RORA: variants seen among roughly 807,000 people sequenced by gnomAD.
The protein encoded by RORA is RAR related orphan receptor A.
In RORA, 7 loss-of-function variants were observed where a neutral mutation model predicts 69.5. The ratio of observed to expected loss-of-function variants is 0.10; its 90% CI spans 0.06 to 0.19. The LOEUF is 0.19. Ranked by LOEUF, RORA falls within the 10% of genes least tolerant of loss-of-function variation. The probability of loss-of-function intolerance (pLI) is 1.00; values close to 1 mark genes in which losing one functional copy is unlikely to be tolerated. For missense variants in RORA, 457 were observed against 663.0 expected, an observed-to-expected ratio of 0.69 and a Z score of 3.41; for synonymous variants, 261 against 240.8, an observed-to-expected ratio of 1.08 and a Z score of -0.78.
chr15:60,877,347 T>A (rs1000999315), intron 1 of RORA, among the ~76,000 whole-genome samples: 1 of 152,160 alleles, frequency 6.6e-6, no homozygotes, highest in Non-Finnish European at 1.5e-5. Context: ...TACCTCTCTC[T>A]CCCCAGGACT....
chr15:60,940,477 T>G (rs1384995672), intron 1 of RORA, among the ~76,000 whole-genome samples: 1 of 152,158 alleles, frequency 6.6e-6, no homozygotes, highest in Non-Finnish European at 1.5e-5. Flanking sequence ...AAAGCTGATC[T>G]GTGGAAGCCA....
chr15:60,873,950 G>A (rs191180680), intron 1 of RORA, among the ~76,000 whole-genome samples: 6 of 152,076 alleles, frequency 3.9e-5, no homozygotes, highest in African/African-American at 9.6e-5. Context: ...ATAAATATTC[G>A]CCAATTAGCT....
chr15:61,146,951 G>A (rs950109327), intron 1 of RORA, among the ~76,000 whole-genome samples: 2 of 151,764 alleles, frequency 1.3e-5, no homozygotes, highest in African/African-American at 4.8e-5. Flanking sequence ...AATAAAACAC[G>A]GGACAGAAAC....
At chr15:60,773,620 A>C (rs900811961) in intron 1 of RORA, among the ~76,000 whole-genome samples, 1 of 152,154 alleles carries the variant, frequency 6.6e-6, no homozygotes, top group African/African-American at 2.4e-5. Context: ...AAGCAAGAGA[A>C]CTCTCCATGT....
chr15:60,972,733 C>A (rs1249965979), intron 1 of RORA, among the ~76,000 whole-genome samples: 1 of 152,052 alleles, frequency 6.6e-6, no homozygotes, highest in Non-Finnish European at 1.5e-5. Context: ...CATCATCTAT[C>A]AAATGGAAAT....
intron 1 of RORA, among the ~76,000 whole-genome samples, chr15:61,114,354 C>G (rs79555727): frequency 5.3e-5 from 8 of 152,068 alleles, no homozygotes; most frequent in Non-Finnish European, 8.8e-5. Flanking sequence ...CTTTAAAAAA[C>G]TTGGTGGGGA....
rs116818996 is a variant in RORA at position 61,073,887 on chromosome 15, G to A, written c.166+155166C>T. On this transcript the variant is annotated intron_variant, in intron 1 of 10. Coordinates refer to ENST00000335670, the MANE Select transcript of RORA (RefSeq NM_134261.3). ...TGAATCAATTGCTAAATTTCAAAAG[G>A]CATGCCCTGGCTTCAGATACATTAA... Among the ~76,000 whole-genome samples, 959 of 152,268 alleles carry A rather than the reference G, an allele frequency of 6.3e-3. 12 individuals are homozygous for A. The highest frequency in any genetic ancestry group is 0.022 in the African/African-American group (900 of 41,528).
chr15:60,611,318 C>T (rs2069080057), intron 2 of RORA, among the ~76,000 whole-genome samples: 1 of 151,910 alleles, frequency 6.6e-6, no homozygotes, highest in African/African-American at 2.4e-5. Flanking sequence ...CTTGGTTGTT[C>T]ATTTCATATC....
chr15:60,841,193 A>G, intron 1 of RORA: 1 of 501,524 alleles, frequency 2.0e-6, no homozygotes, highest in Non-Finnish European at 2.6e-6. Context: ...ACACACCCAT[A>G]GACTGCAAAC....
chr15:60,762,617 C>A (rs1007486732), intron 1 of RORA, among the ~76,000 whole-genome samples: 2 of 152,138 alleles, frequency 1.3e-5, no homozygotes, highest in Non-Finnish European at 2.9e-5. Context: ...TGCTTATACA[C>A]ATATTTACTC....
intron 1 of RORA, among the ~76,000 whole-genome samples, chr15:60,717,643 T>C (rs1246851251): frequency 6.6e-6 from 1 of 152,142 alleles, no homozygotes; most frequent in African/African-American, 2.4e-5. Context: ...TAACACATTT[T>C]ACTGAGCCCC....
intron 1 of RORA, among the ~76,000 whole-genome samples, chr15:61,099,006 G>A (rs1478271904): frequency 2.6e-5 from 4 of 152,126 alleles, no homozygotes; most frequent in Non-Finnish European, 5.9e-5. Context: ...AATTAGGTTC[G>A]TTTACGGCAG....
At chr15:60,836,611 G>A (rs117153185) in intron 1 of RORA, among the ~76,000 whole-genome samples, 4 of 152,214 alleles carry the variant, frequency 2.6e-5, no homozygotes, top group Non-Finnish European at 5.9e-5. Context: ...CCACCCACAC[G>A]TTCAGCGGGG....
chr15:60,785,183 A>G (rs1010587617), intron 1 of RORA, among the ~76,000 whole-genome samples: 4 of 152,220 alleles, frequency 2.6e-5, no homozygotes, highest in African/African-American at 9.6e-5. Flanking sequence ...GAACATAGGA[A>G]TTTTTAATGA....
chr15:61,010,727 A>G (rs1353116262), intron 1 of RORA, among the ~76,000 whole-genome samples: 1 of 152,168 alleles, frequency 6.6e-6, no homozygotes. Context: ...ATGAAGTCAT[A>G]TTAGGACTTA....
intron 2 of RORA, among the ~76,000 whole-genome samples, chr15:60,611,559 CAAAAAAA>C (rs533598270): frequency 6.1e-4 from 22 of 35,818 alleles, no homozygotes; most frequent in South Asian, 2.0e-3. Context: ...TTGAGTTTTG[CAAAAAAA>C]AAAAAAAAAA....
chr15:61,026,088 C>A (rs1390490270), intron 1 of RORA, among the ~76,000 whole-genome samples: 1 of 152,204 alleles, frequency 6.6e-6, no homozygotes, highest in Non-Finnish European at 1.5e-5. Context: ...GAATAGACAT[C>A]TGATTACATG....
chr15:61,060,800 T>C (rs919918633), intron 1 of RORA, among the ~76,000 whole-genome samples: 3 of 152,108 alleles, frequency 2.0e-5, no homozygotes. Flanking sequence ...AGAATTGTCT[T>C]GGGCCACACA....
At chr15:60,759,903 G>A (rs891240893) in intron 1 of RORA, among the ~76,000 whole-genome samples, 5 of 152,162 alleles carry the variant, frequency 3.3e-5, no homozygotes, top group Non-Finnish European at 7.4e-5. Context: ...GAGATAAAAA[G>A]TACTTTGTTA....
Sources: allele counts gnomAD v4.1 joint callset (sites outside exome capture counted in the v4.1 genomes callset), GRCh38; gene constraint gnomAD v4.1.1; transcripts MANE v1.5; gene names NCBI Gene and HGNC (gene_info 2026-07-23, HGNC 2026-07-21).